Variants in IQGAP2 observed in about 807,000 individuals in gnomAD.
The protein encoded by IQGAP2 is ras GTPase-activating-like protein IQGAP2.
IQGAP2 carries 173 observed loss-of-function variants against 201.3 expected under a neutral mutation model. The observed-to-expected ratio is 0.86, with a 90% CI of 0.76 to 0.98. The LOEUF (loss-of-function observed/expected upper bound fraction) is 0.98, where lower values mean the gene tolerates loss of function less well. IQGAP2 is among the 50% of genes least tolerant of loss of function. The pLI is 0.00. For missense variants in IQGAP2, 1,687 were observed against 1,864.8 expected (o/e 0.90, Z 1.76); for synonymous variants, 675 against 673.9 (o/e 1.00, Z -0.03).
chr5:76,558,962 G>A (rs1379415285), intron 2 of IQGAP2, among the ~76,000 whole-genome samples: 2 of 151,874 alleles, frequency 1.3e-5, no homozygotes, highest in East Asian at 1.9e-4. Flanking sequence ...GTGCAGTGGC[G>A]CGATCTCGGC....
chr5:76,608,988 T>C (rs949182592), intron 12 of IQGAP2: 2 of 1,112,900 alleles, frequency 1.8e-6, no homozygotes, highest in Non-Finnish European at 2.5e-6. Flanking sequence ...CAATCTTTCT[T>C]CAAATAGGAT....
chr5:76,649,590 C>G (rs1377824455), intron 17 of IQGAP2, among the ~76,000 whole-genome samples: 2 of 152,168 alleles, frequency 1.3e-5, no homozygotes, highest in Non-Finnish European at 2.9e-5. Context: ...ATGAAGCCTG[C>G]TTCATTCTCT....
chr5:76,498,403 C>T (rs1398750799), intron 2 of IQGAP2, among the ~76,000 whole-genome samples: 12 of 152,180 alleles, frequency 7.9e-5, no homozygotes, highest in Admixed American at 7.9e-4. Context: ...GGCTCAATAA[C>T]TTGACTTGCC....
At chr5:76,617,572 G>C (rs1241043038) in intron 13 of IQGAP2, 1 of 1,593,804 alleles carries the variant, frequency 6.3e-7, no homozygotes, top group East Asian at 2.2e-5. Context: ...TGTTCTCTAA[G>C]ATCATTTCAC....
intron 2 of IQGAP2, among the ~76,000 whole-genome samples, chr5:76,495,779 C>A (rs1032454807): frequency 6.6e-6 from 1 of 152,088 alleles, no homozygotes; most frequent in African/African-American, 2.4e-5. Context: ...GGGGAGGTCC[C>A]AGCTCAAACA....
intron 2 of IQGAP2, among the ~76,000 whole-genome samples, chr5:76,474,827 C>G (rs1018051172): frequency 6.6e-6 from 1 of 152,208 alleles, no homozygotes; most frequent in African/African-American, 2.4e-5. Flanking sequence ...ATTCTCCTGC[C>G]TCAGCCTCCC....
intron 13 of IQGAP2, among the ~76,000 whole-genome samples, chr5:76,611,880 G>A (rs1197017525): frequency 3.3e-5 from 5 of 152,142 alleles, no homozygotes; most frequent in Non-Finnish European, 5.9e-5. Context: ...GAGTGGGAGT[G>A]ATGCCACCTG....
At chr5:76,598,300 G>A (rs1279828971) in intron 10 of IQGAP2, among the ~76,000 whole-genome samples, 1 of 152,076 alleles carries the variant, frequency 6.6e-6, no homozygotes, top group African/African-American at 2.4e-5. Context: ...AACATAAAAT[G>A]TTAAATATAA....
intron 2 of IQGAP2, among the ~76,000 whole-genome samples, chr5:76,466,954 T>A (rs1436148845): frequency 6.6e-6 from 1 of 152,162 alleles, no homozygotes; most frequent in East Asian, 1.9e-4. Context: ...ATTCAGAATA[T>A]ACAAAGGGTT....
intron 21 of IQGAP2, among the ~76,000 whole-genome samples, chr5:76,659,016 A>G (rs898455412): frequency 9.2e-5 from 14 of 152,206 alleles, no homozygotes; most frequent in African/African-American, 3.4e-4. Flanking sequence ...TATAGGACTT[A>G]TGTCTTATAT....
At chr5:76,600,401 C>T (rs1417027889) in intron 10 of IQGAP2, among the ~76,000 whole-genome samples, 1 of 152,176 alleles carries the variant, frequency 6.6e-6, no homozygotes, top group Non-Finnish European at 1.5e-5. Flanking sequence ...CCAACCTTCC[C>T]TTAACCCTTA....
chr5:76,648,992 T>A (rs1193764968), intron 17 of IQGAP2, among the ~76,000 whole-genome samples: 3 of 152,290 alleles, frequency 2.0e-5, no homozygotes, highest in African/African-American at 7.2e-5. Context: ...ACAAAGTACT[T>A]GAAATAAAAG....
intron 1 of IQGAP2, among the ~76,000 whole-genome samples, chr5:76,438,008 G>GTTTTTTTTTTTTTTTTTTTTTTTT (rs768892670): frequency 4.4e-5 from 4 of 91,064 alleles, no homozygotes; most frequent in African/African-American, 1.1e-4. Context: ...TTGGTCTGTA[G>GTTTTTTTTTTTTTTTTTTTTTTTT]TTTTTTTTTT....
chr5:76,636,331 A>G (rs558845060), intron 15 of IQGAP2, among the ~76,000 whole-genome samples: 11 of 152,322 alleles, frequency 7.2e-5, no homozygotes, highest in Admixed American at 2.6e-4. Flanking sequence ...AGTTTAGCCC[A>G]TGGATTCATG....
chr5:76,564,460 C>T (rs149519891), intron 3 of IQGAP2, among the ~76,000 whole-genome samples: 27 of 152,314 alleles, frequency 1.8e-4, no homozygotes, highest in African/African-American at 5.5e-4. Context: ...GCTGGGAAGA[C>T]GGGCCCTTCA....
chr5:76,440,967 G>C lies in IQGAP2; in HGVS notation c.47-20603G>C, dbSNP rs1163096952. 4.6e-5 allele frequency among the ~76,000 whole-genome samples: 7 copies of C among 151,290 alleles called. No individual in the cohort carries two copies. In the Admixed American group the frequency reaches 4.6e-4, roughly 10 times the overall value. On this transcript the variant is annotated intron_variant, in intron 1 of 35. Transcript: ENST00000274364. ...AATTGCTTGAACCCAGGAGGTGAAG[G>C]TTGCAGTGAGCCGAGTTCGTACCAT...
intron 2 of IQGAP2, among the ~76,000 whole-genome samples, chr5:76,487,474 A>G (rs947281362): frequency 1.3e-5 from 2 of 152,112 alleles, no homozygotes; most frequent in African/African-American, 4.8e-5. Flanking sequence ...AAAAAAGTTT[A>G]TCTTTATAGT....
chr5:76,413,762 G>T (rs1256984803), intron 1 of IQGAP2, among the ~76,000 whole-genome samples: 1 of 152,174 alleles, frequency 6.6e-6, no homozygotes, highest in African/African-American at 2.4e-5. Context: ...GCTGTTGCTT[G>T]TCTAAAAGCC....
intron 13 of IQGAP2, among the ~76,000 whole-genome samples, chr5:76,613,716 G>A (rs12697855): frequency 0.43 from 65,250 of 151,432 alleles, 14,916 homozygotes; most frequent in Non-Finnish European, 0.52. Context: ...TTTTTGTGAG[G>A]TGGAGTCTCG....
Sources: allele counts gnomAD v4.1 joint callset (sites outside exome capture counted in the v4.1 genomes callset), GRCh38; gene constraint gnomAD v4.1.1; transcripts MANE v1.5; gene names NCBI Gene and HGNC (gene_info 2026-07-23, HGNC 2026-07-21).